The following RABGEF1 variants were observed in gnomAD, a reference collection of about 807,000 sequenced individuals.
The protein encoded by RABGEF1 is RAB guanine nucleotide exchange factor 1.
Under a neutral mutation model 57.3 loss-of-function variants are expected in RABGEF1, and 26 were observed. That is an observed-to-expected ratio of 0.45 (90% confidence interval 0.33 to 0.63). RABGEF1 has a LOEUF of 0.63. Among genes scored for constraint, RABGEF1 ranks in the 20% least tolerant of loss-of-function variants. The probability of loss-of-function intolerance (pLI) is 0.02; values close to 1 mark genes in which losing one functional copy is unlikely to be tolerated. For missense variants in RABGEF1, 464 were observed against 607.6 expected, an observed-to-expected ratio of 0.76 and a Z score of 2.48; for synonymous variants, 185 against 210.7, an observed-to-expected ratio of 0.88 and a Z score of 1.06.
chr7:66,700,978 G>A (rs531736895), intron 1 of RABGEF1, among the ~76,000 whole-genome samples: 1 of 152,318 alleles, frequency 6.6e-6, no homozygotes, highest in East Asian at 1.9e-4. Context: ...GTGGTGGGCA[G>A]CGCTGTCTTG....
chr7:66,699,585 G>A (rs913393506), intron 1 of RABGEF1, among the ~76,000 whole-genome samples: 2 of 151,848 alleles, frequency 1.3e-5, no homozygotes, highest in South Asian at 2.1e-4. Context: ...TTAGCTACTC[G>A]GGAGGCTGAG....
At chr7:66,740,910 G>T in intron 1 of RABGEF1, 118 bp downstream of exon 1, 1 of 151,940 alleles carries the variant, frequency 6.6e-6, no homozygotes, top group Non-Finnish European at 1.5e-5. Flanking sequence ...CCGCGCGGCT[G>T]GGGCAGTTGC....
chr7:66,768,076 T>C (rs1052197857), intron 1 of RABGEF1, among the ~76,000 whole-genome samples: 3 of 152,242 alleles, frequency 2.0e-5, no homozygotes, highest in Admixed American at 6.5e-5. Flanking sequence ...TATAACCGTT[T>C]GCGTATAGAA....
At chr7:66,789,370 A>G (rs2129155007) in intron 4 of RABGEF1, among the ~76,000 whole-genome samples, 1 of 152,298 alleles carries the variant, frequency 6.6e-6, no homozygotes, top group South Asian at 2.1e-4. Flanking sequence ...ATAAGTCATA[A>G]GGAAAAAAAG....
chr7:66,803,180 ATAAG>A (rs1562883825), intron 7 of RABGEF1, among the ~76,000 whole-genome samples: 8 of 152,250 alleles, frequency 5.3e-5, no homozygotes, highest in African/African-American at 1.9e-4. Flanking sequence ...CAGTAGCCTC[ATAAG>A]TAAGGGAATA....
At chr7:66,682,957 G>A (rs568521402) in intron 1 of RABGEF1, among the ~76,000 whole-genome samples, 93 of 152,288 alleles carry the variant, frequency 6.1e-4, no homozygotes, top group Admixed American at 2.2e-3. Context: ...ATAGGCAGCT[G>A]GCGGTGTCTC....
intron 2 of RABGEF1, among the ~76,000 whole-genome samples, chr7:66,731,933 C>T (rs1235462761): frequency 1.3e-5 from 2 of 152,184 alleles, no homozygotes; most frequent in African/African-American, 4.8e-5. Flanking sequence ...ACAGAAGCCC[C>T]CTGTCTCCAT....
At chr7:66,745,768 CAAA>C (rs35862923) in intron 1 of RABGEF1, among the ~76,000 whole-genome samples, 4 of 118,434 alleles carry the variant, frequency 3.4e-5, no homozygotes, top group Non-Finnish European at 5.2e-5. Context: ...GACTCTATCT[CAAA>C]AAAAAAAAAA....
In RABGEF1 at chr7:66,745,887, G is replaced by A. The variant is rs567768097; in HGVS notation, c.-18+5095G>A. ...AAGTGGGAGAATCGCTTGAGCCTAGGAGTTCCAGGCTGCAGTGAGCTGTGA... is the reference window on the plus strand; with the variant it reads ...AAGTGGGAGAATCGCTTGAGCCTAGAAGTTCCAGGCTGCAGTGAGCTGTGA... On this transcript the variant is annotated intron_variant, in intron 1 of 8. Coordinates refer to ENST00000284957, the MANE Select transcript of RABGEF1 (RefSeq NM_014504.3). Among the ~76,000 whole-genome samples, 31 of 152,286 alleles carry A rather than the reference G, an allele frequency of 2.0e-4. No homozygotes were observed. In the East Asian group the frequency reaches 6.0e-3, roughly 29 times the overall value.
chr7:66,704,678 G>A (rs926596978), intron 1 of RABGEF1, among the ~76,000 whole-genome samples: 3 of 152,070 alleles, frequency 2.0e-5, no homozygotes, highest in Non-Finnish European at 4.4e-5. Flanking sequence ...GGGCGTGGTG[G>A]TGGGCGCCTG....
intron 1 of RABGEF1, among the ~76,000 whole-genome samples, chr7:66,689,789 C>T (rs1047250474): frequency 6.9e-6 from 1 of 144,406 alleles, no homozygotes; most frequent in Non-Finnish European, 1.5e-5. Context: ...GGGATGAGAG[C>T]AAGACTTCGT....
At chr7:66,723,481 T>G (rs1239879865) in intron 2 of RABGEF1, among the ~76,000 whole-genome samples, 3 of 152,214 alleles carry the variant, frequency 2.0e-5, no homozygotes, top group Admixed American at 2.0e-4. Flanking sequence ...AATCTTCCAT[T>G]TTTTATGCTA....
At chr7:66,680,000 A>G (rs1230685626), upstream of RABGEF1, among the ~76,000 whole-genome samples, 1 of 152,170 alleles carries the variant, frequency 6.6e-6, no homozygotes, top group Non-Finnish European at 1.5e-5. Flanking sequence ...TGAGATTGCA[A>G]TACTGTGCTC....
chr7:66,679,188 G>C (rs898360749), upstream of RABGEF1, among the ~76,000 whole-genome samples: 1 of 152,116 alleles, frequency 6.6e-6, no homozygotes, highest in Non-Finnish European at 1.5e-5. Flanking sequence ...CTATCTGTTC[G>C]GTGCCTGGAA....
intron 1 of RABGEF1, among the ~76,000 whole-genome samples, chr7:66,758,830 A>G (rs1385631327): frequency 6.6e-6 from 1 of 152,234 alleles, no homozygotes; most frequent in East Asian, 1.9e-4. Flanking sequence ...ACTGGTACAC[A>G]TTAGTCCCAT....
At chr7:66,731,059 G>T (rs1797256881) in intron 2 of RABGEF1, among the ~76,000 whole-genome samples, 1 of 152,148 alleles carries the variant, frequency 6.6e-6, no homozygotes, top group African/African-American at 2.4e-5. Flanking sequence ...TGCTGCTTTG[G>T]GACTGTGTAC....
intron 2 of RABGEF1, among the ~76,000 whole-genome samples, chr7:66,719,346 G>A (rs759548396): frequency 8.5e-5 from 13 of 152,072 alleles, no homozygotes; most frequent in Non-Finnish European, 1.8e-4. Context: ...GGAACCATAG[G>A]TGCACGCCAC....
intron 3 of RABGEF1, among the ~76,000 whole-genome samples, chr7:66,775,708 T>G (rs1429118591): frequency 6.6e-6 from 1 of 152,226 alleles, no homozygotes; most frequent in Non-Finnish European, 1.5e-5. Flanking sequence ...CCTTTATTTG[T>G]GGATCCTGGT....
chr7:66,733,674 G>C (rs1350246328), intron 2 of RABGEF1, among the ~76,000 whole-genome samples: 1 of 150,952 alleles, frequency 6.6e-6, no homozygotes, highest in Non-Finnish European at 1.5e-5. Flanking sequence ...CTCCAGACTG[G>C]GCTACAGAGT....
Sources: allele counts gnomAD v4.1 joint callset (sites outside exome capture counted in the v4.1 genomes callset), GRCh38; gene constraint gnomAD v4.1.1; transcripts MANE v1.5; gene names NCBI Gene and HGNC (gene_info 2026-07-23, HGNC 2026-07-21).